The following PRKN variants were observed in gnomAD, a reference collection of about 807,000 sequenced individuals.
The protein encoded by PRKN is parkin RBR E3 ubiquitin protein ligase, also known as E3 ubiquitin-protein ligase parkin.
In PRKN, 56 loss-of-function variants were observed where a neutral mutation model predicts 59.5. The ratio of observed to expected loss-of-function variants is 0.94; its 90% CI spans 0.76 to 1.18. The LOEUF is 1.18. Among genes scored for constraint, PRKN ranks in the 50% most tolerant of loss-of-function variants. PRKN has a pLI of 0.00. For synonymous variants in PRKN, 250 were observed against 222.1 expected, an observed-to-expected ratio of 1.13 and a Z score of -1.12; for missense variants, 657 against 596.4, an observed-to-expected ratio of 1.10 and a Z score of -1.06.
At chr6:162,724,423 A>G (rs1219050310) in intron 1 of PRKN, among the ~76,000 whole-genome samples, 1 of 152,212 alleles carries the variant, frequency 6.6e-6, no homozygotes, top group African/African-American at 2.4e-5. Flanking sequence ...GTTTTGAGAA[A>G]GTAAAAGGAA....
At chr6:161,380,712 G>A (rs1785936064) in intron 10 of PRKN, among the ~76,000 whole-genome samples, 2 of 152,032 alleles carry the variant, frequency 1.3e-5, no homozygotes, top group African/African-American at 2.4e-5. Flanking sequence ...GTAACACAAC[G>A]TTGCAGCCAA....
rs7757669 is a variant in PRKN, at chr6:161,497,908, G to T, written c.1083+50946C>A. Among the ~76,000 whole-genome samples, 1,822 of 152,256 alleles carry T rather than the reference G, an allele frequency of 0.012. 35 individuals are homozygous for T. The highest frequency in any genetic ancestry group is 0.042 in the African/African-American group (1,741 of 41,546). ...GCTTTCCAATTATTTTCACTTCAAA[G>T]AAATACTTTAATATATTTAGTTCAA... On this transcript the variant is annotated intron_variant, in intron 9 of 11. Coordinates refer to ENST00000366898, the MANE Select transcript of PRKN (RefSeq NM_004562.3). This position sits in a 1 kb window ranked among gnomAD's most constrained non-coding sequence, Gnocchi z 4.6.
intron 6 of PRKN, among the ~76,000 whole-genome samples, chr6:161,902,560 A>ATCTATTTTTTTTTTTTT (rs1554245457): frequency 2.2e-4 from 27 of 125,342 alleles, no homozygotes; most frequent in East Asian, 7.4e-4. Context: ...TTATTTATTT[A>ATCTATTTTTTTTTTTTT]TTTATTTTTT....
intron 9 of PRKN, among the ~76,000 whole-genome samples, chr6:161,450,464 G>C (rs773321434): frequency 5.9e-5 from 9 of 152,182 alleles, no homozygotes; most frequent in Non-Finnish European, 1.2e-4. Flanking sequence ...AATCTGCACT[G>C]GTGTTTCCAA....
At chr6:161,426,006 A>T (rs1361442278) in intron 9 of PRKN, among the ~76,000 whole-genome samples, 2 of 152,086 alleles carry the variant, frequency 1.3e-5, no homozygotes, top group Admixed American at 1.3e-4. Flanking sequence ...GAGTGTTCCC[A>T]CACTGGATGT....
At chr6:161,682,233 T>G (rs997780949) in intron 7 of PRKN, among the ~76,000 whole-genome samples, 2 of 152,006 alleles carry the variant, frequency 1.3e-5, no homozygotes, top group Non-Finnish European at 2.9e-5. Flanking sequence ...CACACAGGTG[T>G]GGAAAAGGGC....
intron 7 of PRKN, among the ~76,000 whole-genome samples, chr6:161,766,468 C>T (rs1249888930): frequency 6.6e-6 from 1 of 152,066 alleles, no homozygotes; most frequent in Non-Finnish European, 1.5e-5. Context: ...CCACCATGCC[C>T]AGCTAATTTT....
intron 6 of PRKN, among the ~76,000 whole-genome samples, chr6:161,956,297 G>A (rs1441272584): frequency 6.6e-6 from 1 of 152,164 alleles, no homozygotes; most frequent in Non-Finnish European, 1.5e-5. Context: ...CTAACTCAGC[G>A]GGTGTCCTTG....
intron 1 of PRKN, among the ~76,000 whole-genome samples, chr6:162,547,935 C>G (rs1270198375): frequency 6.6e-6 from 1 of 151,760 alleles, no homozygotes; most frequent in Non-Finnish European, 1.5e-5. Context: ...AACCTCACAT[C>G]CACTGGTCTC....
At chr6:161,516,954 A>C (rs1778633496) in intron 9 of PRKN, among the ~76,000 whole-genome samples, 1 of 152,102 alleles carries the variant, frequency 6.6e-6, no homozygotes, top group South Asian at 2.1e-4. Flanking sequence ...CATTGTATGC[A>C]TCATGTTAAA....
chr6:161,663,276 C>G (rs1403499729), intron 7 of PRKN, among the ~76,000 whole-genome samples: 1 of 152,134 alleles, frequency 6.6e-6, no homozygotes. Context: ...GCAGCAGCCT[C>G]TGGGGAGTGA....
At chr6:162,001,994 C>T (rs969347145) in intron 5 of PRKN, among the ~76,000 whole-genome samples, 1 of 151,752 alleles carries the variant, frequency 6.6e-6, no homozygotes, top group African/African-American at 2.4e-5. Flanking sequence ...ATGTTGAACA[C>T]CCTTGTAGAT....
intron 1 of PRKN, among the ~76,000 whole-genome samples, chr6:162,579,630 C>A (rs1416225567): frequency 6.7e-6 from 1 of 149,382 alleles, no homozygotes; most frequent in Admixed American, 6.7e-5. Context: ...CACATACACA[C>A]AAATTCACAC....
intron 2 of PRKN, among the ~76,000 whole-genome samples, chr6:162,433,113 A>G (rs1197222337): frequency 6.6e-6 from 1 of 152,226 alleles, no homozygotes; most frequent in African/African-American, 2.4e-5. Flanking sequence ...TTTACTGCGC[A>G]TTACAAATAA....
At chr6:162,170,290 C>G (rs1783212082) in intron 4 of PRKN, among the ~76,000 whole-genome samples, 1 of 152,150 alleles carries the variant, frequency 6.6e-6, no homozygotes, top group Non-Finnish European at 1.5e-5. Flanking sequence ...GTTTTAAGAT[C>G]CCGTGTACAA....
At chr6:162,304,631 A>C (rs1782142183) in intron 2 of PRKN, among the ~76,000 whole-genome samples, 1 of 150,574 alleles carries the variant, frequency 6.6e-6, no homozygotes, top group Non-Finnish European at 1.5e-5. Context: ...ATCCTCTTTT[A>C]ACGACTTGGG....
intron 3 of PRKN, among the ~76,000 whole-genome samples, chr6:162,257,881 A>G (rs1779713159): frequency 6.6e-6 from 1 of 152,108 alleles, no homozygotes; most frequent in Admixed American, 6.6e-5. Flanking sequence ...TCCATTGTTC[A>G]AAAGTCAAAT....
intron 4 of PRKN, among the ~76,000 whole-genome samples, chr6:162,190,733 C>T (rs1408395336): frequency 6.6e-6 from 1 of 152,138 alleles, no homozygotes; most frequent in African/African-American, 2.4e-5. Flanking sequence ...CACATTTTAT[C>T]ACTGTAAGAT....
rs373937983 is a variant in PRKN, at chr6:161,360,054, C to A, written c.1285+34G>T. ...GTATGATTCTCCCCCAAAGAGCACACGACATCCTCATTCTCTGCTCAGCAC... is the reference window on the plus strand; with the variant it reads ...GTATGATTCTCCCCCAAAGAGCACAAGACATCCTCATTCTCTGCTCAGCAC... On this transcript the variant is annotated intron_variant, in intron 11 of 11. Transcript: ENST00000366898. The surrounding 1 kb of genome is among the most constrained non-coding windows in gnomAD (Gnocchi z 5.1). 1 of 1,449,662 alleles carries A rather than the reference C, an allele frequency of 6.9e-7. No homozygotes were observed. Among genetic ancestry groups the A allele is most frequent in the Non-Finnish European group, 9.7e-7 (1 of 1,029,810 alleles). The allele number at this position is 1,449,662 out of a possible 1,614,324, so 89.8% of individuals were successfully genotyped here. A position where few individuals can be genotyped will look rare whatever the true frequency, so the allele number is the denominator to read the frequency against.
Sources: allele counts gnomAD v4.1 joint callset (sites outside exome capture counted in the v4.1 genomes callset), GRCh38; gene constraint gnomAD v4.1.1; non-coding constraint Gnocchi (gnomAD v3.1); transcripts MANE v1.5; gene names NCBI Gene and HGNC (gene_info 2026-07-23, HGNC 2026-07-21).